HECW1: variants seen among roughly 807,000 people sequenced by gnomAD.
The protein encoded by HECW1 is HECT, C2 and WW domain containing E3 ubiquitin protein ligase 1.
HECW1 carries 61 observed loss-of-function variants against 182.3 expected under a neutral mutation model. The ratio of observed to expected loss-of-function variants is 0.33; its 90% CI spans 0.27 to 0.41. The LOEUF (loss-of-function observed/expected upper bound fraction) is 0.41, where lower values mean the gene tolerates loss of function less well. Among genes scored for constraint, HECW1 ranks in the 10% least tolerant of loss-of-function variants. The pLI is 1.00. For synonymous variants in HECW1, 859 were observed against 832.6 expected (o/e 1.03, Z -0.55); for missense variants, 1,739 against 2,108.9 (o/e 0.82, Z 3.44).
At chr7:43,328,931 C>A (rs192936900) in intron 5 of HECW1, among the ~76,000 whole-genome samples, 9 of 152,312 alleles carry the variant, frequency 5.9e-5, no homozygotes, top group Non-Finnish European at 1.0e-4. Context: ...TCTCTTAGCC[C>A]TATTGTGCTG....
chr7:43,315,676 T>C (rs1809150573), intron 4 of HECW1, among the ~76,000 whole-genome samples: 1 of 152,070 alleles, frequency 6.6e-6, no homozygotes, highest in South Asian at 2.1e-4. Flanking sequence ...CTATTTTTAG[T>C]AGAGATGGGG....
At chr7:43,162,086 A>G (rs528222200) in intron 2 of HECW1, among the ~76,000 whole-genome samples, 1 of 152,382 alleles carries the variant, frequency 6.6e-6, no homozygotes, top group South Asian at 2.1e-4. Context: ...TATCCACTTT[A>G]GTGAACATCA....
At chr7:43,266,762 A>G (rs899841987) in intron 3 of HECW1, among the ~76,000 whole-genome samples, 4 of 151,018 alleles carry the variant, frequency 2.6e-5, no homozygotes, top group Admixed American at 2.6e-4. Flanking sequence ...CTAACAACAG[A>G]AAAATTCTCA....
At chr7:43,341,073 A>G (rs935295473) in intron 5 of HECW1, among the ~76,000 whole-genome samples, 2 of 151,522 alleles carry the variant, frequency 1.3e-5, no homozygotes, top group Non-Finnish European at 2.9e-5. Context: ...AAAACCAAAC[A>G]CTGCATGTTC....
chr7:43,445,650 G>C (rs1477574297), intron 11 of HECW1, 80 bp downstream of exon 11: 1 of 1,443,830 alleles, frequency 6.9e-7, no homozygotes, highest in Non-Finnish European at 9.2e-7. Flanking sequence ...AAAACAAGAA[G>C]GGCGGGGGAT....
At chr7:43,497,733 C>G (rs900206972) in intron 19 of HECW1, among the ~76,000 whole-genome samples, 3 of 152,034 alleles carry the variant, frequency 2.0e-5, no homozygotes, top group Non-Finnish European at 4.4e-5. Context: ...GAGCTGATGA[C>G]AGCTTGAACA....
chr7:43,353,560 A>G lies in HECW1; in HGVS notation c.461-7326A>G, dbSNP rs565347724. On this transcript the variant is annotated intron_variant, in intron 5 of 29. Coordinates refer to ENST00000395891, the MANE Select transcript of HECW1 (RefSeq NM_015052.5). The stretch of plus-strand genomic sequence containing the variant: ...CAAATATGAGGGTAAGACAGCTCTC[A>G]GGGCCACAAAGCAGTGAAAAAAACT... Among the ~76,000 whole-genome samples, 4 of 152,146 alleles carry G rather than the reference A, an allele frequency of 2.6e-5. No homozygotes were observed. The South Asian group carries it at 6.2e-4, about 24-fold the overall frequency.
At chr7:43,204,738 G>T (rs1171592438) in intron 2 of HECW1, among the ~76,000 whole-genome samples, 2 of 152,318 alleles carry the variant, frequency 1.3e-5, no homozygotes, top group African/African-American at 2.4e-5. Context: ...AGGTAAGGGG[G>T]TGGTCTCTGG....
rs145791739 is a variant in HECW1 at position 43,519,143 on chromosome 7, T to C, written c.4019+10022T>C. Among the ~76,000 whole-genome samples, 169 of 152,298 alleles carry C rather than the reference T, an allele frequency of 1.1e-3. No homozygotes were observed. The East Asian group carries it at 0.029, about 26-fold the overall frequency. On this transcript the variant is annotated intron_variant, in intron 24 of 29. Transcript: ENST00000395891. The stretch of plus-strand genomic sequence containing the variant: ...CATAACCTAGTATAATCCTCTATTT[T>C]ACAAATGAGGAAACTCATACCCATA...
At chr7:43,537,650 T>C (rs918376542) in intron 24 of HECW1, among the ~76,000 whole-genome samples, 1 of 152,256 alleles carries the variant, frequency 6.6e-6, no homozygotes, top group Non-Finnish European at 1.5e-5. Context: ...TGCTGTATTT[T>C]GCTTTATACA....
chr7:43,380,045 G>T (rs1413732874), intron 6 of HECW1, among the ~76,000 whole-genome samples: 2 of 152,106 alleles, frequency 1.3e-5, no homozygotes, highest in Admixed American at 6.5e-5. Flanking sequence ...TAACTTGGTG[G>T]CCTTGGGCCT....
At chr7:43,458,263 G>A (rs1268589499) in intron 13 of HECW1, among the ~76,000 whole-genome samples, 5 of 152,198 alleles carry the variant, frequency 3.3e-5, no homozygotes, top group Admixed American at 6.5e-5. Context: ...GGAGGGTATC[G>A]TCAGGCTGTA....
At chr7:43,296,551 T>C (rs1806079213) in intron 3 of HECW1, among the ~76,000 whole-genome samples, 1 of 152,304 alleles carries the variant, frequency 6.6e-6, no homozygotes, top group African/African-American at 2.4e-5. Flanking sequence ...AGTTGAAACA[T>C]GAGCCCTCCT....
At chr7:43,296,368 A>G (rs1015625107) in intron 3 of HECW1, among the ~76,000 whole-genome samples, 2 of 152,140 alleles carry the variant, frequency 1.3e-5, no homozygotes, top group Non-Finnish European at 2.9e-5. Context: ...GACTTCTCTC[A>G]GGCCTTTGGA....
Position 43,564,744 on chromosome 7 carries a change from T to C in HECW1, c.*2818T>C, listed in dbSNP as rs1383783106. 5.6e-6 allele frequency: 1 copy of C among 179,668 alleles called. No individual in the cohort carries two copies. Among genetic ancestry groups the C allele is most frequent in the African/African-American group, 2.4e-5 (1 of 42,386 alleles). 11.1% of individuals were successfully genotyped at this position (179,668 alleles called of 1,614,324 possible). A position where few individuals can be genotyped will look rare whatever the true frequency, so the allele number is the denominator to read the frequency against. Reference sequence around the variant, plus strand: ...TTACCTTATTTATAAGGCTGATTTTTAAATTATATATAATTTTTCATTCAA... The same window carrying C: ...TTACCTTATTTATAAGGCTGATTTTCAAATTATATATAATTTTTCATTCAA... On this transcript the variant is annotated 3_prime_UTR_variant, in exon 30 of 30. Transcript: ENST00000395891.
intron 24 of HECW1, chr7:43,522,251 A>G (rs1009567079): frequency 1.5e-4 from 23 of 152,078 alleles, no homozygotes; most frequent in African/African-American, 4.6e-4. Context: ...TGAACCACAC[A>G]CTTTAGTTTT....
At chr7:43,434,888 C>T (rs527889968) in intron 8 of HECW1, among the ~76,000 whole-genome samples, 10 of 152,212 alleles carry the variant, frequency 6.6e-5, no homozygotes, top group Admixed American at 4.6e-4. Flanking sequence ...AAGGTGATTA[C>T]GTTTTTCCTT....
intron 6 of HECW1, among the ~76,000 whole-genome samples, chr7:43,378,705 C>T (rs548538129): frequency 1.2e-4 from 19 of 152,174 alleles, no homozygotes; most frequent in African/African-American, 4.6e-4. Flanking sequence ...ACTCAGGAGG[C>T]TGAGGCATGA....
At chr7:43,175,243 G>A (rs9655043) in intron 2 of HECW1, among the ~76,000 whole-genome samples, 62,846 of 151,672 alleles carry the variant, frequency 0.41, 13,236 homozygotes, top group East Asian at 0.47. Flanking sequence ...TCATTCCCTC[G>A]CACACTTACC....
Sources: gnomAD v4.1 joint callset for allele counts (sites outside exome capture counted in the v4.1 genomes callset) on GRCh38, gnomAD v4.1.1 for gene constraint, MANE v1.5 for transcripts, NCBI Gene and HGNC (gene_info 2026-07-23, HGNC 2026-07-21) for gene names.